GPC6: variants seen among roughly 807,000 people sequenced by gnomAD.
The protein encoded by GPC6 is glypican-6.
In GPC6, 14 loss-of-function variants were observed where a neutral mutation model predicts 55.2. The observed-to-expected ratio is 0.25, with a 90% CI of 0.17 to 0.40. GPC6 has a LOEUF of 0.40. Ranked by LOEUF, GPC6 falls within the 10% of genes least tolerant of loss-of-function variation. The pLI is 1.00. For missense variants in GPC6, 641 were observed against 708.5 expected (o/e 0.90, Z 1.08); for synonymous variants, 278 against 259.6 (o/e 1.07, Z -0.68).
intron 2 of GPC6, among the ~76,000 whole-genome samples, chr13:93,723,281 G>T (rs891564283): frequency 6.6e-6 from 1 of 151,910 alleles, no homozygotes; most frequent in African/African-American, 2.4e-5. Context: ...GAGCATCCAG[G>T]ATGCATTACT....
At chr13:94,124,225 C>A (rs1268052270) in intron 4 of GPC6, among the ~76,000 whole-genome samples, 1 of 152,118 alleles carries the variant, frequency 6.6e-6, no homozygotes, top group Non-Finnish European at 1.5e-5. Flanking sequence ...TGATTGACAT[C>A]CCATTACTTA....
chr13:93,530,156 C>G (rs1038725802), intron 1 of GPC6, among the ~76,000 whole-genome samples: 10 of 152,262 alleles, frequency 6.6e-5, no homozygotes, highest in Middle Eastern at 6.8e-3. Flanking sequence ...CATAGAGTAA[C>G]AGCTTCCTAC....
At chr13:93,319,931 G>T (rs565148144) in intron 1 of GPC6, among the ~76,000 whole-genome samples, 1 of 152,016 alleles carries the variant, frequency 6.6e-6, no homozygotes, top group African/African-American at 2.4e-5. Context: ...AAAGAAAATC[G>T]CAAAACAATA....
intron 2 of GPC6, among the ~76,000 whole-genome samples, chr13:93,809,444 G>C (rs1371159722): frequency 1.3e-5 from 2 of 152,138 alleles, no homozygotes; most frequent in African/African-American, 2.4e-5. Flanking sequence ...TGGATGTCTG[G>C]CTCTGACTCT....
intron 1 of GPC6, among the ~76,000 whole-genome samples, chr13:93,446,651 T>A (rs1244426403): frequency 6.6e-6 from 1 of 152,146 alleles, no homozygotes; most frequent in Non-Finnish European, 1.5e-5. Context: ...GTAGTATAAA[T>A]GGAGCTTTAA....
At chr13:94,041,310 G>A (rs978283695) in intron 4 of GPC6, among the ~76,000 whole-genome samples, 1 of 151,740 alleles carries the variant, frequency 6.6e-6, no homozygotes, top group African/African-American at 2.4e-5. Context: ...GGCAGTTTAT[G>A]GAAGTGTCTG....
At chr13:93,622,253 G>A (rs1216225748) in intron 2 of GPC6, among the ~76,000 whole-genome samples, 1 of 152,148 alleles carries the variant, frequency 6.6e-6, no homozygotes, top group Non-Finnish European at 1.5e-5. Flanking sequence ...CTATGTATTA[G>A]GCATTGTGCT....
At chr13:93,217,346 T>G in the GPC6 span, among the ~76,000 whole-genome samples, 1 of 152,262 alleles carries the variant, frequency 6.6e-6, no homozygotes. Context: ...TCTCGTTAGT[T>G]ATTTTTTGAA....
intron 4 of GPC6, among the ~76,000 whole-genome samples, chr13:94,235,780 G>A (rs940960694): frequency 2.6e-5 from 4 of 152,150 alleles, no homozygotes; most frequent in African/African-American, 9.6e-5. Context: ...AGAAAGCAGT[G>A]ATAGTGGCAC....
At chr13:93,527,547 G>T (rs1279582101) in intron 1 of GPC6, among the ~76,000 whole-genome samples, 1 of 152,076 alleles carries the variant, frequency 6.6e-6, no homozygotes, top group Non-Finnish European at 1.5e-5. Flanking sequence ...CCTGAACACA[G>T]ACATTTTAAA....
At chr13:93,375,350 A>G (rs1385272259) in intron 1 of GPC6, among the ~76,000 whole-genome samples, 1 of 152,172 alleles carries the variant, frequency 6.6e-6, no homozygotes, top group Non-Finnish European at 1.5e-5. Flanking sequence ...AGGACTGCTT[A>G]AAGAACTTGT....
intron 2 of GPC6, among the ~76,000 whole-genome samples, chr13:93,552,439 TCTCCTC>T (rs71706553): frequency 0.13 from 19,229 of 150,902 alleles, 1,409 homozygotes; most frequent in East Asian, 0.3. Context: ...GCCTTCCTTC[TCTCCTC>T]CTCCTCCTCC....
At chr13:93,421,888 G>C (rs1252163589) in intron 1 of GPC6, among the ~76,000 whole-genome samples, 1 of 152,168 alleles carries the variant, frequency 6.6e-6, no homozygotes, top group African/African-American at 2.4e-5. Flanking sequence ...TGCTTCATAT[G>C]CACAGTGGAT....
At chr13:94,197,180 C>T (rs981034278) in intron 4 of GPC6, among the ~76,000 whole-genome samples, 3 of 152,104 alleles carry the variant, frequency 2.0e-5, no homozygotes, top group Admixed American at 6.5e-5. Context: ...CCATGGAATA[C>T]TGTCATCTCT....
intron 4 of GPC6, among the ~76,000 whole-genome samples, chr13:94,045,034 A>G (rs1269536766): frequency 1.3e-5 from 2 of 151,846 alleles, no homozygotes; most frequent in Non-Finnish European, 2.9e-5. Flanking sequence ...TTACCACAGC[A>G]GATAAGTATA....
intron 2 of GPC6, among the ~76,000 whole-genome samples, chr13:93,689,321 G>GT (rs1474281014): frequency 1.3e-5 from 2 of 152,054 alleles, no homozygotes; most frequent in Non-Finnish European, 2.9e-5. Context: ...TCTCAGATAT[G>GT]TTTTTTGTCT....
At chr13:93,623,137 C>T (rs1879029596) in intron 2 of GPC6, among the ~76,000 whole-genome samples, 1 of 152,122 alleles carries the variant, frequency 6.6e-6, no homozygotes, top group Non-Finnish European at 1.5e-5. Context: ...ATTCATGCCA[C>T]ATTTTCTTTA....
intron 2 of GPC6, among the ~76,000 whole-genome samples, chr13:93,763,186 A>G (rs1312139949): frequency 6.6e-6 from 1 of 152,202 alleles, no homozygotes; most frequent in Non-Finnish European, 1.5e-5. Context: ...GTAATTTACC[A>G]CTGGGGGTAG....
At chr13:93,333,373 C>T (rs1341907956) in intron 1 of GPC6, among the ~76,000 whole-genome samples, 1 of 152,004 alleles carries the variant, frequency 6.6e-6, no homozygotes, top group East Asian at 1.9e-4. Context: ...TCTTTAACTT[C>T]TTTCATCAGT....
Sources: allele counts gnomAD v4.1 joint callset (sites outside exome capture counted in the v4.1 genomes callset), GRCh38; gene constraint gnomAD v4.1.1; transcripts MANE v1.5; gene names NCBI Gene and HGNC (gene_info 2026-07-23, HGNC 2026-07-21).